Variants in CTNNA2 observed in about 807,000 individuals in gnomAD.
CTNNA2 encodes catenin alpha 2.
A neutral mutation model predicts 101.0 loss-of-function variants in CTNNA2; 42 were observed. The ratio of observed to expected loss-of-function variants is 0.42; its 90% CI spans 0.32 to 0.54. The LOEUF is 0.54. Among genes scored for constraint, CTNNA2 ranks in the 20% least tolerant of loss-of-function variants. The pLI, the probability that CTNNA2 is intolerant of heterozygous loss-of-function variation, is 0.14. For missense variants in CTNNA2, 871 were observed against 1,223.1 expected, an observed-to-expected ratio of 0.71 and a Z score of 4.29; for synonymous variants, 450 against 456.4, an observed-to-expected ratio of 0.99 and a Z score of 0.18.
chr2:80,512,389 G>A (rs1480821696), intron 9 of CTNNA2, among the ~76,000 whole-genome samples: 2 of 151,988 alleles, frequency 1.3e-5, no homozygotes, highest in African/African-American at 4.8e-5. Flanking sequence ...AACTTCAAAG[G>A]AAAATGGTAA....
chr2:80,270,798 A>T (rs1673399591), intron 7 of CTNNA2, among the ~76,000 whole-genome samples: 1 of 152,238 alleles, frequency 6.6e-6, no homozygotes, highest in Non-Finnish European at 1.5e-5. Context: ...TAATAAATTG[A>T]ACAAAGTTTG....
chr2:79,478,460 A>T (rs184049800), intron 4 of CTNNA2, among the ~76,000 whole-genome samples: 1 of 152,300 alleles, frequency 6.6e-6, no homozygotes, highest in Admixed American at 6.5e-5. Context: ...AAGGTGGCTA[A>T]CTTCGTCGAT....
chr2:79,452,632 T>C (rs575062726), intron 4 of CTNNA2, among the ~76,000 whole-genome samples: 25 of 152,206 alleles, frequency 1.6e-4, no homozygotes, highest in African/African-American at 6.0e-4. Context: ...GTCATTTACT[T>C]CAGCCATTTG....
At chr2:80,020,627 C>T (rs1258146321) in intron 7 of CTNNA2, among the ~76,000 whole-genome samples, 3 of 152,120 alleles carry the variant, frequency 2.0e-5, no homozygotes, top group African/African-American at 4.8e-5. Flanking sequence ...GACTATTCTT[C>T]TATACTATGC....
At chr2:79,221,361 C>A (rs970291737) in intron 2 of CTNNA2, among the ~76,000 whole-genome samples, 1 of 152,106 alleles carries the variant, frequency 6.6e-6, no homozygotes, top group African/African-American at 2.4e-5. Flanking sequence ...CTATGTTTCC[C>A]AGACTTGTCT....
At chr2:80,560,146 T>G (rs1693452099) in intron 12 of CTNNA2, among the ~76,000 whole-genome samples, 1 of 152,096 alleles carries the variant, frequency 6.6e-6, no homozygotes, top group Non-Finnish European at 1.5e-5. Flanking sequence ...TCCATTATTT[T>G]GGAAAATACG....
At chr2:80,240,180 G>A (rs1670810768) in intron 7 of CTNNA2, among the ~76,000 whole-genome samples, 1 of 152,118 alleles carries the variant, frequency 6.6e-6, no homozygotes, top group East Asian at 1.9e-4. Context: ...TCATCCCAAT[G>A]GAAGGTATTA....
chr2:79,915,118 C>T (rs192055813), intron 7 of CTNNA2, among the ~76,000 whole-genome samples: 11 of 151,718 alleles, frequency 7.3e-5, no homozygotes, highest in East Asian at 5.8e-4. Context: ...TCCAGGGCCA[C>T]GAGATCTCTA....
chr2:79,983,401 C>G (rs1691526489), intron 7 of CTNNA2, among the ~76,000 whole-genome samples: 4 of 151,990 alleles, frequency 2.6e-5, no homozygotes, highest in Admixed American at 2.6e-4. Flanking sequence ...TTTATAAACA[C>G]TGTGAAGAAA....
At chr2:80,401,893 T>G (rs1490930077) in intron 8 of CTNNA2, among the ~76,000 whole-genome samples, 1 of 152,166 alleles carries the variant, frequency 6.6e-6, no homozygotes, top group Non-Finnish European at 1.5e-5. Context: ...CACTGACTAG[T>G]TCTTTGACAC....
chr2:80,195,352 A>G (rs1270071468), intron 7 of CTNNA2, among the ~76,000 whole-genome samples: 3 of 152,074 alleles, frequency 2.0e-5, no homozygotes, highest in African/African-American at 2.4e-5. Flanking sequence ...ATGCCTGGGG[A>G]AAAAAAATCA....
chr2:79,270,413 G>A (rs1349168872), intron 2 of CTNNA2, among the ~76,000 whole-genome samples: 1 of 151,964 alleles, frequency 6.6e-6, no homozygotes, highest in Admixed American at 6.6e-5. Flanking sequence ...TCAGAGTGAC[G>A]CCAGTCCCAA....
chr2:80,329,737 T>C (rs944067037), intron 7 of CTNNA2, among the ~76,000 whole-genome samples: 2 of 152,170 alleles, frequency 1.3e-5, no homozygotes. Context: ...TCAAGTTGTG[T>C]GAGGTAAAAG....
intron 9 of CTNNA2, among the ~76,000 whole-genome samples, chr2:80,540,365 G>A (rs1302969728): frequency 6.6e-6 from 1 of 152,156 alleles, no homozygotes; most frequent in Non-Finnish European, 1.5e-5. Context: ...GGGAGGCCGA[G>A]GCAAGTGGAT....
At chr2:79,195,031 G>A (rs922037167) in intron 1 of CTNNA2, among the ~76,000 whole-genome samples, 1 of 152,124 alleles carries the variant, frequency 6.6e-6, no homozygotes, top group Non-Finnish European at 1.5e-5. Flanking sequence ...CCACTGAGAA[G>A]GAACTGTGAA....
intron 3 of CTNNA2, among the ~76,000 whole-genome samples, chr2:79,816,832 A>C (rs1425707414): frequency 6.6e-6 from 1 of 152,158 alleles, no homozygotes; most frequent in Non-Finnish European, 1.5e-5. Context: ...AGAAAACTAG[A>C]GAGTTAAAAT....
chr2:79,315,943 C>G (rs1233344218), intron 3 of CTNNA2, among the ~76,000 whole-genome samples: 1 of 151,948 alleles, frequency 6.6e-6, no homozygotes, highest in African/African-American at 2.4e-5. Flanking sequence ...TAATTATAGC[C>G]ATATATTTTC....
chr2:79,585,803 G>A (rs1315823153), intron 1 of CTNNA2, among the ~76,000 whole-genome samples: 2 of 151,842 alleles, frequency 1.3e-5, no homozygotes, highest in African/African-American at 4.8e-5. Context: ...TACATTGCAG[G>A]TCCCTTCAGT....
At chr2:80,619,555 G>A (rs1670890454) in intron 18 of CTNNA2, among the ~76,000 whole-genome samples, 1 of 151,840 alleles carries the variant, frequency 6.6e-6, no homozygotes, top group Non-Finnish European at 1.5e-5. Context: ...ACTAAGGAAG[G>A]GTAGTCAGAA....
Sources: gnomAD v4.1 joint callset for allele counts (sites outside exome capture counted in the v4.1 genomes callset) on GRCh38, gnomAD v4.1.1 for gene constraint, MANE v1.5 for transcripts, NCBI Gene and HGNC (gene_info 2026-07-23, HGNC 2026-07-21) for gene names.